Variants in MARK3 observed in about 807,000 individuals in gnomAD.
The protein encoded by MARK3 is microtubule affinity regulating kinase 3, also known as MAP/microtubule affinity-regulating kinase 3.
MARK3 carries 46 observed loss-of-function variants against 90.1 expected under a neutral mutation model. The ratio of observed to expected loss-of-function variants is 0.51; its 90% CI spans 0.40 to 0.65. MARK3 has a LOEUF of 0.65. MARK3 is among the 30% of genes least tolerant of loss of function. The pLI, the probability that MARK3 is intolerant of heterozygous loss-of-function variation, is 0.00. For missense variants in MARK3, 818 were observed against 947.2 expected (o/e 0.86, Z 1.79); for synonymous variants, 321 against 332.6 (o/e 0.97, Z 0.38).
Position 103,385,619 on chromosome 14 carries a change from T to G in MARK3, c.-411T>G. On this transcript the variant is annotated 5_prime_UTR_variant, in exon 1 of 18. Coordinates refer to ENST00000429436, the MANE Select transcript of MARK3 (RefSeq NM_001128918.3). ...TTCACATCCTCCTCCGCCTCCTCGT[T>G]TTCAGGCGCCGCCGGCGGCGCTGTG... 2.5e-5 allele frequency: 4 copies of G among 162,242 alleles called. No homozygotes were observed. Among genetic ancestry groups the G allele is most frequent in the Non-Finnish European group, 5.3e-5 (4 of 74,990 alleles). 10.1% of individuals were successfully genotyped at this position (162,242 alleles called of 1,614,324 possible).
At position 103,428,453 on chromosome 14, in the gene MARK3, C is replaced by T. The variant is rs745756441; in HGVS notation, c.297+13C>T. On this transcript the variant is annotated intron_variant, in intron 3 of 17. Transcript: ENST00000429436. Reference sequence around the variant, plus strand: ...AAGTCTACAAAAGGTAAGATTGGTTCAATGTCTAGTACTTTTTAAAAAATT... The same window carrying T: ...AAGTCTACAAAAGGTAAGATTGGTTTAATGTCTAGTACTTTTTAAAAAATT... 20 of 1,482,762 alleles carry T rather than the reference C, an allele frequency of 1.3e-5. No individual in the cohort carries two copies. Among genetic ancestry groups the T allele is most frequent in the Non-Finnish European group, 1.8e-5 (20 of 1,091,716 alleles). 91.9% of individuals were successfully genotyped at this position (1,482,762 alleles called of 1,614,324 possible).
chr14:103,458,733 C>T, intron 6 of MARK3: 1 of 719,920 alleles, frequency 1.4e-6, no homozygotes, highest in Non-Finnish European at 2.5e-6. Context: ...ACAGGGTTGT[C>T]AAGCTGGACA....
At chr14:103,465,270 C>T (rs1345388313) in intron 7 of MARK3, among the ~76,000 whole-genome samples, 3 of 152,054 alleles carry the variant, frequency 2.0e-5, no homozygotes, top group African/African-American at 7.2e-5. Flanking sequence ...GCCCAGCCCC[C>T]ATATTATTAT....
intron 2 of MARK3, among the ~76,000 whole-genome samples, chr14:103,425,241 A>G (rs1191756919): frequency 1.5e-5 from 2 of 134,972 alleles, no homozygotes; most frequent in Non-Finnish European, 3.2e-5. Flanking sequence ...CACCTGGCCT[A>G]TTTATTTATT....
intron 12 of MARK3, 60 bp from the exon 13 acceptor site, chr14:103,474,933 G>A (rs191346599): frequency 7.3e-7 from 1 of 1,365,994 alleles, no homozygotes; most frequent in African/African-American, 1.5e-5. Context: ...TATGGTTACT[G>A]TCACAAAATA....
intron 5 of MARK3, among the ~76,000 whole-genome samples, chr14:103,455,491 C>G (rs970484883): frequency 6.6e-6 from 1 of 152,126 alleles, no homozygotes; most frequent in Non-Finnish European, 1.5e-5. Flanking sequence ...CTTTGGGAGG[C>G]CAAGACGGGC....
intron 12 of MARK3, among the ~76,000 whole-genome samples, chr14:103,472,109 G>A (rs2093635724): frequency 1.3e-5 from 2 of 151,698 alleles, no homozygotes; most frequent in East Asian, 1.9e-4. Flanking sequence ...TACTCAGGAG[G>A]CTGAGGCAGG....
chr14:103,449,890 G>A (rs1426810148), intron 4 of MARK3, among the ~76,000 whole-genome samples: 1 of 152,150 alleles, frequency 6.6e-6, no homozygotes, highest in Non-Finnish European at 1.5e-5. Context: ...ATCAGTTTTA[G>A]GAAATGAAAG....
At chr14:103,500,814 G>T (rs987115990) in intron 17 of MARK3, among the ~76,000 whole-genome samples, 1 of 151,916 alleles carries the variant, frequency 6.6e-6, no homozygotes, top group African/African-American at 2.4e-5. Flanking sequence ...AGAGATGGGG[G>T]TCTCGCCATG....
chr14:103,407,648 C>T (rs2091393241), intron 2 of MARK3, among the ~76,000 whole-genome samples: 1 of 145,614 alleles, frequency 6.9e-6, no homozygotes, highest in Admixed American at 7.2e-5. Flanking sequence ...GTAACCTCCG[C>T]CTCCTGGGTT....
intron 3 of MARK3, among the ~76,000 whole-genome samples, chr14:103,446,632 G>A (rs2093001339): frequency 6.6e-6 from 1 of 152,016 alleles, no homozygotes; most frequent in Admixed American, 6.6e-5. Flanking sequence ...GGGATGCCAT[G>A]GCCATGGTCA....
chr14:103,407,722 G>C (rs12434572), intron 2 of MARK3, among the ~76,000 whole-genome samples: 1 of 151,566 alleles, frequency 6.6e-6, no homozygotes, highest in Non-Finnish European at 1.5e-5. Context: ...CACCATGCCC[G>C]GCTAATTTTT....
chr14:103,419,308 T>C (rs867798055), intron 2 of MARK3, among the ~76,000 whole-genome samples: 3 of 151,936 alleles, frequency 2.0e-5, no homozygotes, highest in South Asian at 2.1e-4. Context: ...AATAAATAAA[T>C]AGAAAATTGA....
Position 103,451,949 on chromosome 14 carries a change from A to C in MARK3, c.378A>C (p.Lys126Asn). ...TATTCGAAGTCATTGAAACTGAAAA[A>C]ACACTCTACCTAATCATGGAATATG... ...VKLFEVIETE[K>N]TLYLIMEYAS... Residue 126 changes from lysine (K) to asparagine (N), a missense_variant, in exon 5 of 18, where the codon AAA becomes AAC. By Grantham distance (94) the Lys-to-Asn change is moderately conservative. Coordinates refer to ENST00000429436, the MANE Select transcript of MARK3 (RefSeq NM_001128918.3). 1 of 1,612,584 alleles carries C rather than the reference A, an allele frequency of 6.2e-7. No individual in the cohort carries two copies. Among genetic ancestry groups the C allele is most frequent in the Non-Finnish European group, 8.5e-7 (1 of 1,179,264 alleles).
At chr14:103,444,839 A>T (rs773271391) in intron 3 of MARK3, among the ~76,000 whole-genome samples, 4 of 152,116 alleles carry the variant, frequency 2.6e-5, no homozygotes, top group Non-Finnish European at 4.4e-5. Context: ...CAATTACAAA[A>T]CTTTAAAATT....
In MARK3 at chr14:103,494,107, G is replaced by A. The variant is rs527719999; in HGVS notation, c.1844+2073G>A. Among the ~76,000 whole-genome samples the A allele has an allele frequency of 7.0e-4, 107 of 151,790 alleles. 1 individual carries two copies. Among genetic ancestry groups the A allele is most frequent in the Non-Finnish European group, 2.1e-4 (14 of 67,954 alleles). Reference sequence around the variant, plus strand: ...AAATTAGCCAGGGGTGGTGGCGCTCGCCTGTAGTCCCAGCTACTCTGGAGG... The same window carrying A: ...AAATTAGCCAGGGGTGGTGGCGCTCACCTGTAGTCCCAGCTACTCTGGAGG... On this transcript the variant is annotated intron_variant, in intron 15 of 17. Transcript: ENST00000429436.
At chr14:103,406,032 A>G (rs1451079565) in intron 2 of MARK3, among the ~76,000 whole-genome samples, 1 of 152,032 alleles carries the variant, frequency 6.6e-6, no homozygotes, top group Non-Finnish European at 1.5e-5. Context: ...CTGAGACTAC[A>G]GGCATGCACT....
At chr14:103,486,680 T>C (rs949206950) in intron 14 of MARK3, among the ~76,000 whole-genome samples, 1 of 152,148 alleles carries the variant, frequency 6.6e-6, no homozygotes, top group Non-Finnish European at 1.5e-5. Flanking sequence ...ATTGTGATGT[T>C]GGGGCTGCCT....
intron 2 of MARK3, among the ~76,000 whole-genome samples, chr14:103,420,509 G>T (rs1024760223): frequency 6.6e-6 from 1 of 152,134 alleles, no homozygotes; most frequent in African/African-American, 2.4e-5. Flanking sequence ...GGGATTAAAG[G>T]GATGAGCCAC....
Sources: allele counts gnomAD v4.1 joint callset (sites outside exome capture counted in the v4.1 genomes callset), GRCh38; gene constraint gnomAD v4.1.1; transcripts MANE v1.5; gene names NCBI Gene and HGNC (gene_info 2026-07-23, HGNC 2026-07-21).